TBCCD1: variants seen among roughly 807,000 people sequenced by gnomAD.
The protein encoded by TBCCD1 is TBCC domain-containing protein 1.
TBCCD1 carries 26 observed loss-of-function variants against 53.4 expected under a neutral mutation model. The ratio of observed to expected loss-of-function variants is 0.49; its 90% confidence interval spans 0.36 to 0.68. TBCCD1 has a LOEUF of 0.68. Among genes scored for constraint, TBCCD1 ranks in the 30% least tolerant of loss-of-function variants. The probability of loss-of-function intolerance (pLI) is 0.00; values close to 1 mark genes in which losing one functional copy is unlikely to be tolerated. For missense variants in TBCCD1, 558 were observed against 669.5 expected, an observed-to-expected ratio of 0.83 and a Z score of 1.84; for synonymous variants, 245 against 241.7, an observed-to-expected ratio of 1.01 and a Z score of -0.13.
rs374906162 is a variant in TBCCD1, at chr3:186,554,787, A to G, written c.1047-36T>C. 13 of 1,593,684 alleles carry G rather than the reference A, an allele frequency of 8.2e-6. No individual in the cohort carries two copies. In the East Asian group the frequency reaches 1.1e-4, roughly 14 times the overall value. On this transcript the variant is annotated intron_variant, in intron 5 of 7. Transcript: ENST00000338733. ...GAAAAAATGAGGTAAAGTCCTCTGA[A>G]TAAGATTTTAAAAATTTGACTAAAA...
chr3:186,564,009 T>G lies in TBCCD1; in HGVS notation c.321A>C (p.Glu107Asp). The change falls in exon 2 of 8, where the codon GAA becomes GAC. Residue 107 changes from glutamate (E) to aspartate (D), a missense_variant. Transcript: ENST00000338733. Reference sequence around the variant, plus strand: ...CAATCCGTACCTGATTTCTCTGCTTTTCAACTTCCTCCTCAGACATGCAGT... The same window carrying G: ...CAATCCGTACCTGATTTCTCTGCTTGTCAACTTCCTCCTCAGACATGCAGT... The part of the protein sequence containing the change: ...LSNCMSEEEV[E>D]KQRNQLSVDT... The G allele has an allele frequency of 1.2e-6, 2 of 1,609,808 alleles. No homozygotes were observed. Among genetic ancestry groups the G allele is most frequent in the Non-Finnish European group, 1.7e-6 (2 of 1,177,510 alleles).
At chr3:186,567,771 A>G (rs1714882555), upstream of TBCCD1, among the ~76,000 whole-genome samples, 1 of 152,228 alleles carries the variant, frequency 6.6e-6, no homozygotes, top group South Asian at 2.1e-4. Context: ...AGGGCCTAGA[A>G]AGGTGAAAAT....
In TBCCD1 at chr3:186,556,600, G is replaced by T; in HGVS notation, c.668C>A (p.Ala223Asp). 6.2e-7 allele frequency: 1 copy of T among 1,614,106 alleles called. No homozygotes were observed. The highest frequency in any genetic ancestry group is 1.1e-5 in the South Asian group (1 of 91,078). ...SFLIEGTISRARKIYPLHELA... is the reference protein window; with the variant it reads ...SFLIEGTISRDRKIYPLHELA... ...TTCATGAAGTGGATAGATCTTCCTG[G>T]CTCTACTTATTGTACCTTCAATAAG... The change falls in exon 4 of 8, where the codon GCC (alanine) becomes GAC (aspartate). Residue 223 changes from alanine to aspartate, a missense_variant. Transcript: ENST00000338733.
chr3:186,554,260 A>C lies in TBCCD1; in HGVS notation c.1538T>G (p.Leu513Trp), dbSNP rs1161366380. The change falls in exon 6 of 8, where the codon TTG (leucine) becomes TGG (tryptophan). Residue 513 changes from leucine (L) to tryptophan (W), a missense_variant. Physicochemically the swap from Leu to Trp is moderately conservative, Grantham distance 61 (BLOSUM62 -2). Coordinates refer to ENST00000338733, the MANE Select transcript of TBCCD1 (RefSeq NM_018138.5). ...IWQKTVKEAH[L>W]TKDQRKQFQV... is the part of the protein sequence containing the mutation. ...ACTTGTAAAAAATACTCACTTTGTC[A>C]AATGAGCCTCCTTCACAGTTTTCTG... is the stretch of plus-strand genomic sequence containing the variant. The C allele has an allele frequency of 1.9e-5, 31 of 1,611,530 alleles. No individual in the cohort carries two copies. The highest frequency in any genetic ancestry group is 2.4e-5 in the Non-Finnish European group (28 of 1,179,460).
At chr3:186,561,750 C>T (rs1432385063) in intron 2 of TBCCD1, among the ~76,000 whole-genome samples, 1 of 152,124 alleles carries the variant, frequency 6.6e-6, no homozygotes, top group Non-Finnish European at 1.5e-5. Flanking sequence ...GATCGCGCCA[C>T]CGCGCTCCAG....
At chr3:186,549,412 C>T (rs1046230700) in intron 7 of TBCCD1, among the ~76,000 whole-genome samples, 3 of 152,106 alleles carry the variant, frequency 2.0e-5, no homozygotes, top group African/African-American at 7.2e-5. Flanking sequence ...TAGCTCATGC[C>T]TGTAATCCCA....
rs1714491111 is a variant in TBCCD1 at position 186,554,952 on chromosome 3, T to C, written c.992A>G (p.His331Arg). Reference protein sequence around the residue: ...AKSSDTLAGAHVKIHRCNESF... With the variant: ...AKSSDTLAGARVKIHRCNESF... ...TTCGTTGCAACGATGAATCTTTACATGTGCCCCCGCCAGAGTGTCTGAGCT... is the reference window on the plus strand; with the variant it reads ...TTCGTTGCAACGATGAATCTTTACACGTGCCCCCGCCAGAGTGTCTGAGCT... Residue 331 changes from histidine (H) to arginine (R), a missense_variant, in exon 5 of 8, where the codon CAT (histidine) becomes CGT (arginine). His to Arg is a conservative substitution (Grantham distance 29). Coordinates refer to ENST00000338733, the MANE Select transcript of TBCCD1 (RefSeq NM_018138.5). 2 of 1,613,878 alleles carry C rather than the reference T, an allele frequency of 1.2e-6. No homozygotes were observed. Among genetic ancestry groups the C allele is most frequent in the Non-Finnish European group, 1.7e-6 (2 of 1,180,032 alleles).
chr3:186,547,630 G>A (rs1406706662), intron 7 of TBCCD1, among the ~76,000 whole-genome samples: 8 of 139,440 alleles, frequency 5.7e-5, no homozygotes, highest in South Asian at 2.3e-4. Context: ...TTTTTAAGAC[G>A]GAGTCTCGCT....
In TBCCD1 at chr3:186,558,583, A is replaced by AG; in HGVS notation, c.337-12dup. The AG allele has an allele frequency of 6.2e-7, 1 of 1,611,270 alleles. No homozygotes were observed. Among genetic ancestry groups the AG allele is most frequent in the Non-Finnish European group, 8.5e-7 (1 of 1,178,990 alleles). Reference sequence around the variant, plus strand: ...CGTGTCCACTGAAAGCTGTCCAAGAAGAAAATAAAAGATGAATAGACGTTT... The same window carrying AG: ...CGTGTCCACTGAAAGCTGTCCAAGAAGGAAAATAAAAGATGAATAGACGTTT... On this transcript the variant is annotated splice_polypyrimidine_tract_variant and intron_variant, in intron 2 of 7. Coordinates refer to ENST00000338733, the MANE Select transcript of TBCCD1 (RefSeq NM_018138.5).
In TBCCD1 at chr3:186,551,298, G is replaced by A; in HGVS notation, c.1545-19C>T. ...TTGATCCCTAAAATTGCGATTATGA[G>A]TAAAAAGAATATAAGAACATGAATT... On this transcript the variant is annotated intron_variant, in intron 6 of 7. Transcript: ENST00000338733. 1.2e-6 allele frequency: 2 copies of A among 1,606,040 alleles called. No homozygotes were observed. Among genetic ancestry groups the A allele is most frequent in the Non-Finnish European group, 1.7e-6 (2 of 1,176,322 alleles).
rs1714867192 is a variant in TBCCD1 at position 186,567,306 on chromosome 3, G to C, written c.-83C>G. The C allele has an allele frequency of 6.5e-6, 1 of 152,826 alleles. No homozygotes were observed. Among genetic ancestry groups the C allele is most frequent in the South Asian group, 2.1e-4 (1 of 4,864 alleles). The allele number at this position is 152,826 out of a possible 1,614,324, so 9.5% of individuals were successfully genotyped here. A position where few individuals can be genotyped will look rare whatever the true frequency, so the allele number is the denominator to read the frequency against. On this transcript the variant is annotated 5_prime_UTR_variant, in exon 1 of 8. Coordinates refer to ENST00000338733, the MANE Select transcript of TBCCD1 (RefSeq NM_018138.5). ...GCCGCTCCGCCGCACTTCTCCGCGCGCCGCCGCGCCCGGCGTCCGCTCGCT... is the reference window on the plus strand; with the variant it reads ...GCCGCTCCGCCGCACTTCTCCGCGCCCCGCCGCGCCCGGCGTCCGCTCGCT...
At chr3:186,549,134 A>G (rs552617639) in intron 7 of TBCCD1, among the ~76,000 whole-genome samples, 291 of 152,078 alleles carry the variant, frequency 1.9e-3, no homozygotes, top group South Asian at 7.3e-3. Flanking sequence ...CTAAAAATAC[A>G]AAAATTAGCC....
chr3:186,567,615 C>G (rs933231075), upstream of TBCCD1: 1 of 152,300 alleles, frequency 6.6e-6, no homozygotes, highest in Non-Finnish European at 1.5e-5. Flanking sequence ...AGCACGCTTT[C>G]ATCAGAAATG....
chr3:186,560,880 T>C (rs151115353), intron 2 of TBCCD1, among the ~76,000 whole-genome samples: 2 of 152,326 alleles, frequency 1.3e-5, no homozygotes, highest in Admixed American at 1.3e-4. Flanking sequence ...AAACGCAGAA[T>C]AGTCTCTTCA....
At chr3:186,550,173 A>C (rs888180591) in intron 7 of TBCCD1, among the ~76,000 whole-genome samples, 3 of 149,164 alleles carry the variant, frequency 2.0e-5, no homozygotes, top group Non-Finnish European at 3.0e-5. Flanking sequence ...CTTGCAGTGA[A>C]CTGAGATTGT....
Position 186,556,593 on chromosome 3 carries a change from C to T in TBCCD1, c.675G>A (p.Lys225=), listed in dbSNP as rs1714549195. ...GTGCAAGTTCATGAAGTGGATAGAT[C>T]TTCCTGGCTCTACTTATTGTACCTT... ...LIEGTISRAR[K]IYPLHELALW... The change falls in exon 4 of 8, where the codon AAG becomes AAA. Residue 225 remains lysine (K), a synonymous_variant. Coordinates refer to ENST00000338733, the MANE Select transcript of TBCCD1 (RefSeq NM_018138.5). 1 of 1,614,044 alleles carries T rather than the reference C, an allele frequency of 6.2e-7. No individual in the cohort carries two copies. The highest frequency in any genetic ancestry group is 1.3e-5 in the African/African-American group (1 of 74,910).
At chr3:186,566,041 CT>C (rs1178917141) in intron 1 of TBCCD1, among the ~76,000 whole-genome samples, 2,022 of 144,500 alleles carry the variant, frequency 0.014, 35 homozygotes, top group African/African-American at 0.041. Context: ...GTGCTTCTCT[CT>C]TTTTTTTTTT....
At chr3:186,564,889 CAGG>C (rs2108465142) in intron 1 of TBCCD1, among the ~76,000 whole-genome samples, 1 of 152,276 alleles carries the variant, frequency 6.6e-6, no homozygotes, top group Non-Finnish European at 1.5e-5. Flanking sequence ...AAGAATAGAT[CAGG>C]AGAAGTTACA....
chr3:186,565,206 G>A (rs995494483), intron 1 of TBCCD1, among the ~76,000 whole-genome samples: 1 of 150,674 alleles, frequency 6.6e-6, no homozygotes, highest in Non-Finnish European at 1.5e-5. Context: ...CACCTCCCAG[G>A]TTCAAGCGAT....
Sources: gnomAD v4.1 joint callset for allele counts (sites outside exome capture counted in the v4.1 genomes callset) on GRCh38, gnomAD v4.1.1 for gene constraint, MANE v1.5 for transcripts, NCBI Gene and HGNC (gene_info 2026-07-23, HGNC 2026-07-21) for gene names.